The following EFTUD2 variants were observed in gnomAD, a reference collection of about 807,000 sequenced individuals.
The protein encoded by EFTUD2 is elongation factor Tu GTP binding domain containing 2, also known as 116 kDa U5 small nuclear ribonucleoprotein component.
Under a neutral mutation model 114.3 loss-of-function variants are expected in EFTUD2, and 9 were observed. The observed-to-expected ratio is 0.08, with a 90% CI of 0.05 to 0.14. The LOEUF is 0.14. Ranked by LOEUF, EFTUD2 falls within the 10% of genes least tolerant of loss-of-function variation. The probability of loss-of-function intolerance (pLI) is 1.00; values close to 1 mark genes in which losing one functional copy is unlikely to be tolerated. For missense variants in EFTUD2, 765 were observed against 1,241.2 expected (o/e 0.62, Z 5.76); for synonymous variants, 449 against 462.3 (o/e 0.97, Z 0.37).
Position 44,863,105 on chromosome 17 carries a change from CCT to C in EFTUD2, c.1414-201_1414-200del, listed in dbSNP as rs1415722508. 15 of 258,796 alleles carry C rather than the reference CCT, an allele frequency of 5.8e-5. No homozygotes were observed. In the East Asian group the frequency reaches 6.7e-4, roughly 11 times the overall value. The allele number at this position is 258,796 out of a possible 1,614,324, so 16.0% of individuals were successfully genotyped here. On this transcript the variant is annotated intron_variant, in intron 15 of 27. Coordinates refer to ENST00000426333, the MANE Select transcript of EFTUD2 (RefSeq NM_004247.4). The stretch of plus-strand genomic sequence containing the variant: ...AGACATGGCAGAGCAAAAATATTCT[CCT>C]CTTTTTTTTTTTTTGGGAGGATAAG...
chr17:44,868,238 T>A, intron 12 of EFTUD2, 49 bp downstream of exon 12: 9 of 1,516,122 alleles, frequency 5.9e-6, no homozygotes, highest in Non-Finnish European at 7.2e-6. Context: ...CCTCACTTAC[T>A]GGGTAAATGA....
At chr17:44,859,641 G>T in intron 18 of EFTUD2, 4 of 518,214 alleles carry the variant, frequency 7.7e-6, no homozygotes, top group South Asian at 2.5e-5. Context: ...ACACAAATAC[G>T]CACACACACA....
chr17:44,872,190 A>G (rs1298893813), intron 11 of EFTUD2, among the ~76,000 whole-genome samples: 1 of 152,198 alleles, frequency 6.6e-6, no homozygotes, highest in Non-Finnish European at 1.5e-5. Context: ...TCACTCTAGG[A>G]GAGACTTTTA....
chr17:44,882,005 T>C lies in EFTUD2; in HGVS notation c.493-283A>G, dbSNP rs373477650. Among the ~76,000 whole-genome samples the C allele has an allele frequency of 1.6e-3, 247 of 152,250 alleles. 1 individual carries two copies. The highest frequency in any genetic ancestry group is 5.7e-3 in the African/African-American group (237 of 41,550). On this transcript the variant is annotated intron_variant, in intron 6 of 27. Coordinates refer to ENST00000426333, the MANE Select transcript of EFTUD2 (RefSeq NM_004247.4). ...GGAGTGCAATGGCGCGATCTCAGCT[T>C]ACTGCAACCTCCTTTGCCTCCAGGG... is the stretch of plus-strand genomic sequence containing the variant.
Position 44,894,529 on chromosome 17 carries a change from A to C in EFTUD2, c.-4-4T>G. On this transcript the variant is annotated splice_polypyrimidine_tract_variant and splice_region_variant and intron_variant, in intron 1 of 27. Coordinates refer to ENST00000426333, the MANE Select transcript of EFTUD2 (RefSeq NM_004247.4). ...ATATAAGTCGGTATCCATGATGCTA[A>C]AATTCAAGGAGAGAAGAGTTAGATT... is the stretch of plus-strand genomic sequence containing the variant. 6.2e-7 allele frequency: 1 copy of C among 1,604,760 alleles called. No individual in the cohort carries two copies. The highest frequency in any genetic ancestry group is 8.5e-7 in the Non-Finnish European group (1 of 1,171,746).
chr17:44,891,161 C>T (rs2051271650), intron 2 of EFTUD2, among the ~76,000 whole-genome samples: 1 of 152,088 alleles, frequency 6.6e-6, no homozygotes, highest in African/African-American at 2.4e-5. Flanking sequence ...ACAATGATAC[C>T]ATTTACTTAA....
At chr17:44,868,057 T>A (rs1450568475) in intron 12 of EFTUD2, among the ~76,000 whole-genome samples, 160 bp from the exon 13 acceptor site, 1 of 152,006 alleles carries the variant, frequency 6.6e-6, no homozygotes, top group Non-Finnish European at 1.5e-5. Context: ...GATACATGGT[T>A]ATGACCCTCC....
At chr17:44,883,547 G>T in intron 5 of EFTUD2, 102 bp downstream of exon 5, 1 of 1,100,944 alleles carries the variant, frequency 9.1e-7, no homozygotes. Context: ...AGGAGGTTGA[G>T]CCTTGTGACC....
At chr17:44,859,002 C>G in intron 19 of EFTUD2, 78 bp downstream of exon 19, 1 of 951,058 alleles carries the variant, frequency 1.1e-6, no homozygotes, top group East Asian at 2.4e-5. Context: ...TCCCTTGGAG[C>G]TTCCCAGGAA....
At chr17:44,865,196 T>G in intron 13 of EFTUD2, 131 bp from the exon 14 acceptor site, 17 of 1,340,248 alleles carry the variant, frequency 1.3e-5, no homozygotes, top group Non-Finnish European at 1.7e-5. Flanking sequence ...GACAAAGCTC[T>G]TGGCAAGGAC....
intron 11 of EFTUD2, among the ~76,000 whole-genome samples, chr17:44,870,200 G>A (rs2050821719): frequency 2.6e-5 from 4 of 152,180 alleles, no homozygotes; most frequent in Admixed American, 2.6e-4. Context: ...TTCAAAGGAT[G>A]AACAACAATC....
At chr17:44,853,871 C>T in intron 23 of EFTUD2, 9 of 1,393,168 alleles carry the variant, frequency 6.5e-6, no homozygotes, top group Non-Finnish European at 8.4e-6. Context: ...TAGAGCTTTC[C>T]TAGAAGTTTA....
chr17:44,852,774 G>T (rs2050477929), intron 25 of EFTUD2, among the ~76,000 whole-genome samples: 1 of 152,194 alleles, frequency 6.6e-6, no homozygotes. Flanking sequence ...TCTGGGCAGA[G>T]GACAGGAGTG....
chr17:44,869,444 G>A (rs774215888), intron 11 of EFTUD2, among the ~76,000 whole-genome samples: 1 of 152,108 alleles, frequency 6.6e-6, no homozygotes, highest in Non-Finnish European at 1.5e-5. Flanking sequence ...GACTACAGGT[G>A]TGCGCCATCA....
intron 1 of EFTUD2, among the ~76,000 whole-genome samples, chr17:44,896,807 G>A (rs757065807): frequency 3.3e-5 from 5 of 152,206 alleles, no homozygotes; most frequent in South Asian, 4.1e-4. Context: ...GTAACTTGAG[G>A]TAAGTTACTT....
At position 44,863,789 on chromosome 17, in the gene EFTUD2, A is replaced by G; in HGVS notation, c.1286-7T>C. ...ACACACATGTCCACAAAGCCTGTGG[A>G]TGGAGAAGAGAAAGCCATTAATACA... On this transcript the variant is annotated splice_region_variant and splice_polypyrimidine_tract_variant and intron_variant, in intron 14 of 27. Transcript: ENST00000426333. 6.2e-7 allele frequency: 1 copy of G among 1,613,594 alleles called. No individual in the cohort carries two copies. The highest frequency in any genetic ancestry group is 8.5e-7 in the Non-Finnish European group (1 of 1,179,752).
chr17:44,863,311 C>A (rs993979165), intron 15 of EFTUD2: 9 of 258,516 alleles, frequency 3.5e-5, no homozygotes, highest in African/African-American at 1.6e-4. Context: ...CCAGGACTGA[C>A]AAGATTAGCT....
intron 12 of EFTUD2, 45 bp downstream of exon 12, chr17:44,868,241 GT>G: frequency 1.9e-6 from 3 of 1,554,248 alleles, no homozygotes; most frequent in Non-Finnish European, 1.8e-6. Context: ...CACTTACTGG[GT>G]AAATGATCAC....
At chr17:44,869,354 A>G (rs1053457636) in intron 11 of EFTUD2, among the ~76,000 whole-genome samples, 2 of 152,176 alleles carry the variant, frequency 1.3e-5, no homozygotes, top group African/African-American at 4.8e-5. Flanking sequence ...ACTGGAGTGC[A>G]GTGGCATAAC....
Sources: allele counts gnomAD v4.1 joint callset (sites outside exome capture counted in the v4.1 genomes callset), GRCh38; gene constraint gnomAD v4.1.1; transcripts MANE v1.5; gene names NCBI Gene and HGNC (gene_info 2026-07-23, HGNC 2026-07-21).